HEPH: variants seen among roughly 807,000 people sequenced by gnomAD.
The protein encoded by HEPH is hephaestin.
In HEPH, 69 loss-of-function variants were observed where a neutral mutation model predicts 80.8. That is an observed-to-expected ratio of 0.85 (90% confidence interval 0.70 to 1.04). The LOEUF (loss-of-function observed/expected upper bound fraction) is 1.04. Among genes scored for constraint, HEPH ranks in the 50% least tolerant of loss-of-function variants. The probability of loss-of-function intolerance (pLI) is 0.00; values close to 1 mark genes in which losing one functional copy is unlikely to be tolerated. For missense variants in HEPH, 1,115 were observed against 891.3 expected, an observed-to-expected ratio of 1.25 and a Z score of -3.20; for synonymous variants, 431 against 322.8, an observed-to-expected ratio of 1.34 and a Z score of -3.60.
chrX:66,171,293 T>A, intron 2 of HEPH: 1 of 196,361 alleles, frequency 5.1e-6, no homozygotes. Context: ...AGTTATTTTA[T>A]AGATGAGAAA....
At chrX:66,168,340 C>T (rs768000385) in intron 1 of HEPH, among the ~76,000 whole-genome samples, 4 of 112,085 alleles carry the variant, frequency 3.6e-5, no homozygotes, top group Non-Finnish European at 7.5e-5. Flanking sequence ...TTACTACTGC[C>T]TACTATGTTC....
At chrX:66,228,431 A>G (rs760004361) in intron 15 of HEPH, among the ~76,000 whole-genome samples, 1 of 113,149 alleles carries the variant, frequency 8.8e-6, no homozygotes, top group Admixed American at 9.3e-5. Flanking sequence ...TAAAAATTCT[A>G]GAAGATAACA....
At chrX:66,231,440 T>A (rs2090135931) in intron 15 of HEPH, among the ~76,000 whole-genome samples, 1 of 104,878 alleles carries the variant, frequency 9.5e-6, no homozygotes, top group East Asian at 3.0e-4. Flanking sequence ...GTTTGTATCC[T>A]CTTTTATTTC....
intron 20 of HEPH, among the ~76,000 whole-genome samples, chrX:66,264,250 A>AATAT (rs780655713): frequency 9.2e-4 from 96 of 104,216 alleles, no homozygotes; most frequent in African/African-American, 2.1e-3. Flanking sequence ...AAGCTGTTGA[A>AATAT]ATATATATAT....
chrX:66,249,462 A>G lies in HEPH; in HGVS notation c.2564-5573A>G, dbSNP rs183281120. Among the ~76,000 whole-genome samples, 9 of 111,720 alleles carry G rather than the reference A, an allele frequency of 8.1e-5. No individual in the cohort carries two copies. In the East Asian group the frequency reaches 2.5e-3, roughly 31 times the overall value. ...GTTGAGAGTGAGAAGGTAAGGAACA[A>G]ATGAGGCTTGAGGAGTGTATTGAAA... On this transcript the variant is annotated intron_variant, in intron 15 of 20. Transcript: ENST00000343002.
chrX:66,202,995 A>G (rs1286811731), intron 12 of HEPH, among the ~76,000 whole-genome samples: 1 of 105,149 alleles, frequency 9.5e-6, no homozygotes, highest in African/African-American at 3.5e-5. Context: ...TATGATTTAT[A>G]TATAATAAAT....
rs996959970 is a variant in HEPH, at chrX:66,200,371, T to C, written c.1865-169T>C. The C allele has an allele frequency of 6.8e-6, 3 of 442,484 alleles. No individual in the cohort carries two copies. The Admixed American group carries it at 1.2e-4, about 18-fold the overall frequency. The allele number at this position is 442,484 out of a possible 1,213,427, so 36.5% of individuals were successfully genotyped here. On this transcript the variant is annotated intron_variant, in intron 11 of 20. Coordinates refer to ENST00000343002, the MANE Select transcript of HEPH (RefSeq NM_001367233.3). ...AGCACTCATCCCAAAGACAGAGATATTCACGAGTAGAGTTAAAGTGGCATA... is the reference window on the plus strand; with the variant it reads ...AGCACTCATCCCAAAGACAGAGATACTCACGAGTAGAGTTAAAGTGGCATA...
intron 16 of HEPH, 113 bp from the exon 17 acceptor site, chrX:66,255,992 G>A (rs769970008): frequency 3.1e-5 from 15 of 480,964 alleles, no homozygotes; most frequent in Non-Finnish European, 5.3e-5. Context: ...GATATCATGA[G>A]GAAATGCTGA....
chrX:66,210,145 G>A (rs767349912), intron 15 of HEPH, among the ~76,000 whole-genome samples: 7 of 111,681 alleles, frequency 6.3e-5, no homozygotes, highest in Non-Finnish European at 9.4e-5. Flanking sequence ...AGCAAAATAG[G>A]AGGAAAATCA....
At chrX:66,233,725 T>A (rs1452581986) in intron 15 of HEPH, among the ~76,000 whole-genome samples, 1 of 110,303 alleles carries the variant, frequency 9.1e-6, no homozygotes, top group Non-Finnish European at 1.9e-5. Context: ...CTATACTATA[T>A]ATTAAAATTA....
At chrX:66,229,821 T>C (rs754836247) in intron 15 of HEPH, among the ~76,000 whole-genome samples, 238 of 110,115 alleles carry the variant, frequency 2.2e-3, no homozygotes, top group Non-Finnish European at 3.6e-3. Context: ...CATGTGCACA[T>C]TGTGCAGGTT....
chrX:66,173,932 G>T, intron 4 of HEPH, 131 bp downstream of exon 4: 2 of 399,635 alleles, frequency 5.0e-6, no homozygotes, highest in South Asian at 7.9e-5. Flanking sequence ...TTATTAGCAA[G>T]AAAAATCTCT....
At chrX:66,208,282 T>G in intron 15 of HEPH, 36 bp downstream of exon 15, 2 of 1,179,482 alleles carry the variant, frequency 1.7e-6, no homozygotes, top group Non-Finnish European at 2.3e-6. Context: ...ACAAAGGACA[T>G]GCATCACGTC....
chrX:66,243,278 A>T (rs2090673941), intron 15 of HEPH, among the ~76,000 whole-genome samples: 1 of 112,192 alleles, frequency 8.9e-6, no homozygotes, highest in Non-Finnish European at 1.9e-5. Context: ...AGCTAAACTT[A>T]GAGTACAAGC....
intron 17 of HEPH, among the ~76,000 whole-genome samples, chrX:66,257,932 G>A (rs2091234073): frequency 2.7e-5 from 3 of 111,907 alleles, no homozygotes; most frequent in African/African-American, 9.7e-5. Context: ...TGATGTCCTT[G>A]GAGCATAGGA....
At chrX:66,211,300 T>A (rs1376974191) in intron 15 of HEPH, among the ~76,000 whole-genome samples, 1 of 111,731 alleles carries the variant, frequency 9.0e-6, no homozygotes, top group Non-Finnish European at 1.9e-5. Flanking sequence ...GTAAGGAGTA[T>A]ATGAGAAATT....
chrX:66,170,393 T>G (rs961393234), intron 1 of HEPH, 165 bp from the exon 2 acceptor site: 3 of 416,323 alleles, frequency 7.2e-6, no homozygotes, highest in Non-Finnish European at 1.2e-5. Flanking sequence ...CATTGAAAAC[T>G]TATTGAATTA....
At chrX:66,209,627 A>G (rs769833571) in intron 15 of HEPH, among the ~76,000 whole-genome samples, 7 of 112,619 alleles carry the variant, frequency 6.2e-5, no homozygotes, top group Non-Finnish European at 1.1e-4. Context: ...AAAAAGATCA[A>G]TGAGGTAAAA....
At chrX:66,237,773 C>A (rs952976689) in intron 15 of HEPH, among the ~76,000 whole-genome samples, 1 of 112,119 alleles carries the variant, frequency 8.9e-6, no homozygotes, top group African/African-American at 3.2e-5. Flanking sequence ...CTTTGAAGGT[C>A]TCTAAGAATT....
Sources: allele counts gnomAD v4.1 joint callset (sites outside exome capture counted in the v4.1 genomes callset), GRCh38; gene constraint gnomAD v4.1.1; transcripts MANE v1.5; gene names NCBI Gene and HGNC (gene_info 2026-07-23, HGNC 2026-07-21).